The following ERC2 variants were observed in gnomAD, a reference collection of about 807,000 sequenced individuals.
The protein encoded by ERC2 is ERC protein 2.
In ERC2, 42 loss-of-function variants were observed where a neutral mutation model predicts 114.8. That is an observed-to-expected ratio of 0.37 (90% CI 0.29 to 0.47). The LOEUF is 0.47. Ranked by LOEUF, ERC2 falls within the 20% of genes least tolerant of loss-of-function variation. The pLI, the probability that ERC2 is intolerant of heterozygous loss-of-function variation, is 0.99. For missense variants in ERC2, 939 were observed against 1,150.7 expected (o/e 0.82, Z 2.66); for synonymous variants, 454 against 425.5 (o/e 1.07, Z -0.82).
intron 2 of ERC2, among the ~76,000 whole-genome samples, chr3:56,318,579 C>T (rs1174528136): frequency 6.7e-6 from 1 of 150,108 alleles, no homozygotes; most frequent in African/African-American, 2.4e-5. Flanking sequence ...GGAACTTCTA[C>T]AACTCAAAAG....
At chr3:55,841,311 A>G (rs1188976834) in intron 14 of ERC2, among the ~76,000 whole-genome samples, 2 of 152,056 alleles carry the variant, frequency 1.3e-5, no homozygotes, top group Admixed American at 1.3e-4. Flanking sequence ...TGCTGTTCTC[A>G]TGACAGTGAA....
intron 2 of ERC2, among the ~76,000 whole-genome samples, chr3:56,318,197 C>A (rs1485613402): frequency 1.3e-5 from 2 of 151,682 alleles, no homozygotes; most frequent in Non-Finnish European, 2.9e-5. Flanking sequence ...TGTCTCTCTC[C>A]TTCTTTTGAG....
chr3:55,982,908 A>G (rs2070273092), intron 12 of ERC2, among the ~76,000 whole-genome samples: 1 of 152,254 alleles, frequency 6.6e-6, no homozygotes, highest in Admixed American at 6.5e-5. Flanking sequence ...TTGGGGAAAC[A>G]TCACAAAGAG....
chr3:55,628,675 C>G (rs977690397), intron 17 of ERC2, among the ~76,000 whole-genome samples: 4 of 152,082 alleles, frequency 2.6e-5, no homozygotes, highest in Non-Finnish European at 4.4e-5. Flanking sequence ...GTAGGAAAGG[C>G]CTGGGAAAAT....
Position 56,080,941 on chromosome 3 carries a change from A to G in ERC2, c.1517T>C (p.Leu506Pro). ...RLRLEEKESF[L>P]NKKTKQLQDL... Reference sequence around the variant, plus strand: ...CTGTAGCTGTTTTGTTTTTTTATTGAGGAAAGATTCTTTTTCTTCCAGTCG... The same window carrying G: ...CTGTAGCTGTTTTGTTTTTTTATTGGGGAAAGATTCTTTTTCTTCCAGTCG... Residue 506 changes from leucine to proline, a missense_variant, in exon 7 of 18, where the codon CTC becomes CCC. Physicochemically the swap from Leu to Pro is moderately conservative, Grantham distance 98. This residue lies in a region of ERC2 where 149 missense variants were observed against 254.6 expected (regional missense o/e 0.59). Transcript: ENST00000288221. The G allele has an allele frequency of 6.2e-7, 1 of 1,613,136 alleles. No individual in the cohort carries two copies. The highest frequency in any genetic ancestry group is 8.5e-7 in the Non-Finnish European group (1 of 1,179,544).
chr3:55,544,880 G>C (rs2054635196), intron 17 of ERC2, among the ~76,000 whole-genome samples: 1 of 152,172 alleles, frequency 6.6e-6, no homozygotes, highest in South Asian at 2.1e-4. Context: ...ATCTCACAAA[G>C]TGTAAATTCT....
chr3:56,050,399 T>A lies in ERC2; in HGVS notation c.1641+30418A>T, dbSNP rs1157444207. Among the ~76,000 whole-genome samples the A allele has an allele frequency of 2.6e-5, 4 of 152,282 alleles. No homozygotes were observed. The East Asian group carries it at 7.7e-4, about 29-fold the overall frequency. On this transcript the variant is annotated intron_variant, in intron 7 of 17. Coordinates refer to ENST00000288221, the MANE Select transcript of ERC2 (RefSeq NM_015576.3). ...GAGTAGAAACAAGCTGGTGGATTGT[T>A]GAGGCTGTTTTGTCTCAGTTTCATA... is the stretch of plus-strand genomic sequence containing the variant.
chr3:56,402,701 A>G (rs781691404), intron 2 of ERC2, among the ~76,000 whole-genome samples: 1 of 152,118 alleles, frequency 6.6e-6, no homozygotes, highest in Non-Finnish European at 1.5e-5. Flanking sequence ...TTTAACCTAC[A>G]CATATTTTAT....
At chr3:55,869,694 T>C (rs1302969760) in intron 14 of ERC2, among the ~76,000 whole-genome samples, 1 of 152,094 alleles carries the variant, frequency 6.6e-6, no homozygotes, top group Non-Finnish European at 1.5e-5. Context: ...TGTATTATAA[T>C]TACCAGCTTA....
chr3:56,043,057 A>G (rs1420811963), intron 7 of ERC2, among the ~76,000 whole-genome samples: 1 of 152,204 alleles, frequency 6.6e-6, no homozygotes, highest in African/African-American at 2.4e-5. Flanking sequence ...AACCGTGGCT[A>G]AACGTATTGA....
At chr3:55,584,330 T>G (rs1414504968) in intron 17 of ERC2, among the ~76,000 whole-genome samples, 1 of 152,136 alleles carries the variant, frequency 6.6e-6, no homozygotes, top group African/African-American at 2.4e-5. Context: ...AATAAGGACT[T>G]AAAGTATTAA....
At chr3:56,269,504 G>A (rs2053523867) in intron 3 of ERC2, among the ~76,000 whole-genome samples, 1 of 152,158 alleles carries the variant, frequency 6.6e-6, no homozygotes. Context: ...AACAAAAGCT[G>A]AAATGTGAGA....
At chr3:55,850,410 T>C (rs1485492129) in intron 14 of ERC2, among the ~76,000 whole-genome samples, 1 of 152,210 alleles carries the variant, frequency 6.6e-6, no homozygotes. Context: ...TATTAAGTCA[T>C]TTTATCTTTA....
chr3:55,821,476 A>T (rs1312564470), intron 14 of ERC2, among the ~76,000 whole-genome samples: 1 of 152,170 alleles, frequency 6.6e-6, no homozygotes, highest in Non-Finnish European at 1.5e-5. Flanking sequence ...CCTATATTTT[A>T]TCATTTTTAT....
chr3:55,826,557 T>C (rs1256909869), intron 14 of ERC2, among the ~76,000 whole-genome samples: 3 of 152,358 alleles, frequency 2.0e-5, no homozygotes, highest in African/African-American at 7.2e-5. Flanking sequence ...ATGCACATAA[T>C]GCAAAGCCTG....
intron 4 of ERC2, among the ~76,000 whole-genome samples, chr3:56,150,863 C>T (rs2081377140): frequency 6.6e-6 from 1 of 151,930 alleles, no homozygotes; most frequent in Admixed American, 6.6e-5. Flanking sequence ...GGAGATGGGG[C>T]CTTTGGTGGG....
intron 17 of ERC2, chr3:55,613,120 A>ATTT (rs1215768566): frequency 6.6e-6 from 1 of 152,204 alleles, no homozygotes; most frequent in Non-Finnish European, 1.5e-5. Context: ...AACATGAATT[A>ATTT]TTTTCCTAGT....
Position 55,956,744 on chromosome 3 carries a change from T to A in ERC2, c.2268-6184A>T, listed in dbSNP as rs150603168. Among the ~76,000 whole-genome samples the A allele has an allele frequency of 4.8e-3, 735 of 152,266 alleles. 3 individuals carry two copies. Among genetic ancestry groups the A allele is most frequent in the Middle Eastern group, 0.01 (3 of 294 alleles). ...CAGCCTCTCCAGAACAGCCCAGCTGTTTGGCTACTAGTTTTGATCATGGTC... is the reference window on the plus strand; with the variant it reads ...CAGCCTCTCCAGAACAGCCCAGCTGATTGGCTACTAGTTTTGATCATGGTC... On this transcript the variant is annotated intron_variant, in intron 12 of 17. Transcript: ENST00000288221.
chr3:55,829,439 C>T lies in ERC2; in HGVS notation c.2564+58950G>A, dbSNP rs996601834. On this transcript the variant is annotated intron_variant, in intron 14 of 17. Transcript: ENST00000288221. ...AACTTGAAGACAGATCAACAGAAAT[C>T]ATCCAATCCAAAAAATAAAAGTGGA... Among the ~76,000 whole-genome samples the T allele has an allele frequency of 9.2e-5, 14 of 152,222 alleles. No individual in the cohort carries two copies. In the South Asian group the frequency reaches 1.7e-3, roughly 18 times the overall value.
Sources: allele counts gnomAD v4.1 joint callset (sites outside exome capture counted in the v4.1 genomes callset), GRCh38; gene constraint gnomAD v4.1.1; regional missense constraint gnomAD v4.1.1; transcripts MANE v1.5; gene names NCBI Gene and HGNC (gene_info 2026-07-23, HGNC 2026-07-21).